GRB14: variants seen among roughly 807,000 people sequenced by gnomAD.
GRB14 encodes the protein growth factor receptor bound protein 14.
Under a neutral mutation model 69.1 loss-of-function variants are expected in GRB14, and 38 were observed. The ratio of observed to expected loss-of-function variants is 0.55; its 90% CI spans 0.42 to 0.72. The LOEUF (loss-of-function observed/expected upper bound fraction) is 0.72. Among genes scored for constraint, GRB14 ranks in the 30% least tolerant of loss-of-function variants. The pLI, the probability that GRB14 is intolerant of heterozygous loss-of-function variation, is 0.00. For missense variants in GRB14, 666 were observed against 666.1 expected, an observed-to-expected ratio of 1.00 and a Z score of 0.00; for synonymous variants, 247 against 241.3, an observed-to-expected ratio of 1.02 and a Z score of -0.22.
chr2:164,527,039 T>G lies in GRB14; in HGVS notation c.578A>C (p.Lys193Thr). Reference sequence around the variant, plus strand: ...CATTGGGTTTTTAAAGAACTCATATTTGGCATAATTTTTTCTAAAGTATAG... The same window carrying G: ...CATTGGGTTTTTAAAGAACTCATATGTGGCATAATTTTTTCTAAAGTATAG... ...NKLYFRKNYA[K>T]YEFFKNPMYF... Residue 193 changes from lysine (K) to threonine (T), a missense_variant, in exon 4 of 14, where the codon AAA becomes ACA. By Grantham distance (78) the Lys-to-Thr change is moderately conservative. Transcript: ENST00000263915. 6.2e-7 allele frequency: 1 copy of G among 1,600,232 alleles called. No individual in the cohort carries two copies. The highest frequency in any genetic ancestry group is 8.5e-7 in the Non-Finnish European group (1 of 1,170,008).
intron 2 of GRB14, among the ~76,000 whole-genome samples, chr2:164,575,588 GCTAA>G (rs1172914405): frequency 1.3e-5 from 2 of 152,086 alleles, no homozygotes; most frequent in African/African-American, 4.8e-5. Context: ...TGACTGCTTT[GCTAA>G]CTAAGATCAA....
intron 2 of GRB14, among the ~76,000 whole-genome samples, chr2:164,619,419 T>C (rs1690388798): frequency 6.6e-6 from 1 of 152,234 alleles, no homozygotes; most frequent in South Asian, 2.1e-4. Context: ...TGAATGATTA[T>C]TGTTCTCAAC....
At position 164,536,912 on chromosome 2, in the gene GRB14, C is replaced by A. The variant is rs62175872; in HGVS notation, c.482-9777G>T. Among the ~76,000 whole-genome samples, 58 of 152,294 alleles carry A rather than the reference C, an allele frequency of 3.8e-4. 1 individual carries two copies. Among genetic ancestry groups the A allele is most frequent in the South Asian group, 3.7e-3 (18 of 4,816 alleles). On this transcript the variant is annotated intron_variant, in intron 3 of 13. Transcript: ENST00000263915. ...AAGCATCACCTCCCAGGACACAATTCATCACTAACACTCTTAGTGCCTCCT... is the reference window on the plus strand; with the variant it reads ...AAGCATCACCTCCCAGGACACAATTAATCACTAACACTCTTAGTGCCTCCT...
chr2:164,527,568 A>G (rs1687814966), intron 3 of GRB14, among the ~76,000 whole-genome samples: 1 of 151,950 alleles, frequency 6.6e-6, no homozygotes, highest in African/African-American at 2.4e-5. Context: ...TCATTAAGAG[A>G]TGAAGAATTT....
chr2:164,588,785 A>G (rs1436021723), intron 2 of GRB14, among the ~76,000 whole-genome samples: 2 of 152,338 alleles, frequency 1.3e-5, no homozygotes, highest in East Asian at 3.9e-4. Flanking sequence ...AACAAAAGAG[A>G]GACCATTATT....
At chr2:164,543,390 G>T (rs1192735530) in intron 3 of GRB14, among the ~76,000 whole-genome samples, 2 of 151,790 alleles carry the variant, frequency 1.3e-5, no homozygotes, top group African/African-American at 4.8e-5. Context: ...TGCATAAAAA[G>T]AAATAAAGCC....
intron 3 of GRB14, among the ~76,000 whole-genome samples, chr2:164,540,533 T>TG (rs1038659521): frequency 1.4e-4 from 21 of 152,036 alleles, no homozygotes; most frequent in African/African-American, 5.1e-4. Context: ...CACTTGAACC[T>TG]GGGGGGTGGA....
At chr2:164,504,854 C>G (rs1687149465) in intron 8 of GRB14, among the ~76,000 whole-genome samples, 1 of 152,142 alleles carries the variant, frequency 6.6e-6, no homozygotes, top group African/African-American at 2.4e-5. Context: ...CCACTGTAAT[C>G]ACAAGGGGCC....
intron 6 of GRB14, among the ~76,000 whole-genome samples, chr2:164,518,823 C>CA (rs150058313): frequency 0.019 from 2,847 of 151,700 alleles, 111 homozygotes; most frequent in African/African-American, 0.065. Flanking sequence ...GCCAGGAAGA[C>CA]ATAAAAACGC....
chr2:164,598,473 A>C (rs1411869545), intron 2 of GRB14, among the ~76,000 whole-genome samples: 1 of 152,160 alleles, frequency 6.6e-6, no homozygotes, highest in African/African-American at 2.4e-5. Context: ...ACTATATTTG[A>C]ATGTTAAATT....
intron 3 of GRB14, among the ~76,000 whole-genome samples, chr2:164,538,098 G>A (rs183364886): frequency 3.9e-5 from 6 of 151,914 alleles, no homozygotes; most frequent in Admixed American, 2.6e-4. Flanking sequence ...AGGCGATCAC[G>A]TGGGCATAGC....
chr2:164,520,863 G>C (rs763791810), intron 6 of GRB14, among the ~76,000 whole-genome samples: 6 of 152,078 alleles, frequency 3.9e-5, no homozygotes, highest in Non-Finnish European at 5.9e-5. Context: ...AATAACAGTA[G>C]ATGTTGGTGT....
intron 2 of GRB14, among the ~76,000 whole-genome samples, chr2:164,561,766 T>C (rs908072367): frequency 6.6e-6 from 1 of 152,204 alleles, no homozygotes; most frequent in African/African-American, 2.4e-5. Context: ...ACCAAGCTTT[T>C]AGGGTTCTTA....
At chr2:164,533,519 C>T (rs1688006452) in intron 3 of GRB14, among the ~76,000 whole-genome samples, 1 of 152,004 alleles carries the variant, frequency 6.6e-6, no homozygotes. Flanking sequence ...CGCGCCCGGC[C>T]CCAATTCTTT....
intron 5 of GRB14, among the ~76,000 whole-genome samples, chr2:164,523,347 G>T (rs1349655641): frequency 1.3e-5 from 2 of 151,920 alleles, no homozygotes; most frequent in African/African-American, 4.8e-5. Flanking sequence ...GAATGAAAAG[G>T]AATAGCTCAA....
intron 2 of GRB14, among the ~76,000 whole-genome samples, chr2:164,589,391 A>G (rs1689607727): frequency 1.3e-5 from 2 of 152,070 alleles, no homozygotes; most frequent in African/African-American, 4.8e-5. Context: ...AATACCCAAG[A>G]CTGAGTAATT....
At chr2:164,547,957 A>G (rs934424726) in intron 2 of GRB14, 141 bp from the exon 3 acceptor site, 2 of 551,054 alleles carry the variant, frequency 3.6e-6, no homozygotes, top group African/African-American at 3.8e-5. Flanking sequence ...ATAGTAAAAC[A>G]AATTAACATG....
At chr2:164,551,886 A>C (rs1329053697) in intron 2 of GRB14, among the ~76,000 whole-genome samples, 1 of 152,176 alleles carries the variant, frequency 6.6e-6, no homozygotes, top group Non-Finnish European at 1.5e-5. Context: ...TAAAGAAAAG[A>C]GGTTTATTCG....
At chr2:164,515,561 G>A (rs924531225) in intron 6 of GRB14, among the ~76,000 whole-genome samples, 5 of 152,100 alleles carry the variant, frequency 3.3e-5, no homozygotes, top group Admixed American at 6.5e-5. Context: ...GAATCTGAAC[G>A]GCAGCCCTTC....
Sources: gnomAD v4.1 joint callset for allele counts (sites outside exome capture counted in the v4.1 genomes callset) on GRCh38, gnomAD v4.1.1 for gene constraint, MANE v1.5 for transcripts, NCBI Gene and HGNC (gene_info 2026-07-23, HGNC 2026-07-21) for gene names.